The following GREP1 variants were observed in gnomAD, a reference collection of about 807,000 sequenced individuals.
GREP1 encodes glycine-rich extracellular protein 1.
At chr16:2,993,561 G>A (rs576606989) in intron 10 of GREP1, 1 of 152,098 alleles carries the variant, frequency 6.6e-6, no homozygotes, top group Non-Finnish European at 1.5e-5. Context: ...CAGCTACTCT[G>A]GAGGCTGAGA....
rs2151099208 is a variant in GREP1 at position 2,994,976 on chromosome 16, A to C, written c.484+14A>C. 1 of 399,048 alleles carries C rather than the reference A, an allele frequency of 2.5e-6. No individual in the cohort carries two copies. The highest frequency in any genetic ancestry group is 3.6e-5 in the East Asian group (1 of 28,032). 24.7% of individuals were successfully genotyped at this position (399,048 alleles called of 1,614,324 possible). A position where few individuals can be genotyped will look rare whatever the true frequency, so the allele number is the denominator to read the frequency against. Reference sequence around the variant, plus strand: ...GAGCCCAGCCAGGTGAAGGGGGTACAGTCTGGGGTTCCAGGGTCTGCATCT... The same window carrying C: ...GAGCCCAGCCAGGTGAAGGGGGTACCGTCTGGGGTTCCAGGGTCTGCATCT... On this transcript the variant is annotated intron_variant, in intron 13 of 34. Coordinates refer to ENST00000573315, the Ensembl canonical transcript of GREP1.
Position 2,992,604 on chromosome 16 carries a change from T to G in GREP1, c.323-201T>G. ...TGGCCATGGAGGACACCCAAGCTGG[T>G]CAAGGGTGGCCACGGTCTGGACTCC... On this transcript the variant is annotated intron_variant, in intron 8 of 34. Transcript: ENST00000573315. This position sits in a 1 kb window ranked among gnomAD's most constrained non-coding sequence, Gnocchi z 4.9. 1 of 386,976 alleles carries G rather than the reference T, an allele frequency of 2.6e-6. No homozygotes were observed. Among genetic ancestry groups the G allele is most frequent in the Non-Finnish European group, 4.6e-6 (1 of 219,134 alleles). The allele number at this position is 386,976 out of a possible 1,614,324, so 24.0% of individuals were successfully genotyped here. A position where few individuals can be genotyped will look rare whatever the true frequency, so the allele number is the denominator to read the frequency against.
exon 33 of GREP1, chr16:3,000,715 G>A (rs2072456751): frequency 2.5e-6 from 1 of 399,018 alleles, no homozygotes; most frequent in Non-Finnish European, 4.4e-6. Flanking sequence ...TCCCCACAGG[G>A]CAGGCCGGGG....
chr16:2,995,156 C>T, intron 13 of GREP1, 128 bp from the exon 15 acceptor site: 2 of 395,470 alleles, frequency 5.1e-6, no homozygotes, highest in Non-Finnish European at 8.9e-6. Context: ...ACAAGCCCCC[C>T]ACCTCAGAAT....
intron 13 of GREP1, 121 bp from the exon 15 acceptor site, chr16:2,995,163 G>T: frequency 2.6e-6 from 1 of 383,844 alleles, no homozygotes; most frequent in Non-Finnish European, 4.5e-6. Flanking sequence ...CCCCACCTCA[G>T]AATGGCCCTG....
chr16:3,000,492 G>A, intron 31 of GREP1: 1 of 399,288 alleles, frequency 2.5e-6, no homozygotes, highest in Non-Finnish European at 4.4e-6. Flanking sequence ...GGGACAAAGT[G>A]CAGTGGAGTG....
Position 2,992,796 on chromosome 16 carries a change from C to G in GREP1, c.323-9C>G. The G allele has an allele frequency of 2.5e-6, 1 of 399,168 alleles. No individual in the cohort carries two copies. The highest frequency in any genetic ancestry group is 2.1e-5 in the African/African-American group (1 of 48,764). The allele number at this position is 399,168 out of a possible 1,614,324, so 24.7% of individuals were successfully genotyped here. A position where few individuals can be genotyped will look rare whatever the true frequency, so the allele number is the denominator to read the frequency against. ...CACCTTCCACACTCCTGTGTCTGCC[C>G]TCAAACAGGTCCTGCCGCTCAAAAT... On this transcript the variant is annotated splice_polypyrimidine_tract_variant and intron_variant, in intron 8 of 34. Transcript: ENST00000573315. The surrounding 1 kb of genome is among the most constrained non-coding windows in gnomAD (Gnocchi z 4.9).
Position 3,000,891 on chromosome 16 carries a change from G to T in GREP1, c.1531+64G>T, listed in dbSNP as rs74005568. Reference sequence around the variant, plus strand: ...AGGTGGCTTCAGGGAACTGGGCCCTGGGCCCAGGTCTACCCACAGCCCCAC... The same window carrying T: ...AGGTGGCTTCAGGGAACTGGGCCCTTGGCCCAGGTCTACCCACAGCCCCAC... On this transcript the variant is annotated intron_variant, in intron 33 of 34. Transcript: ENST00000573315. 1,681 of 398,480 alleles carry T rather than the reference G, an allele frequency of 4.2e-3. 18 individuals carry two copies. The highest frequency in any genetic ancestry group is 0.032 in the African/African-American group (1,558 of 48,728). The allele number at this position is 398,480 out of a possible 1,614,324, so 24.7% of individuals were successfully genotyped here. A position where few individuals can be genotyped will look rare whatever the true frequency, so the allele number is the denominator to read the frequency against.
intron 15 of GREP1, 37 bp from the exon 16 acceptor site, chr16:2,995,582 A>T: frequency 2.5e-6 from 1 of 398,524 alleles, no homozygotes; most frequent in Non-Finnish European, 4.4e-6. Context: ...ACCTCAACCA[A>T]ACCCCAAATC....
chr16:2,991,184 T>A lies in GREP1; in HGVS notation c.322+83T>A, dbSNP rs528885107. 7.5e-6 allele frequency: 3 copies of A among 398,844 alleles called. No individual in the cohort carries two copies. In the East Asian group the frequency reaches 1.1e-4, roughly 14 times the overall value. The allele number at this position is 398,844 out of a possible 1,614,324, so 24.7% of individuals were successfully genotyped here. A position where few individuals can be genotyped will look rare whatever the true frequency, so the allele number is the denominator to read the frequency against. On this transcript the variant is annotated intron_variant, in intron 8 of 34. Transcript: ENST00000573315. The surrounding 1 kb of genome is among the most constrained non-coding windows in gnomAD (Gnocchi z 4.9). Reference sequence around the variant, plus strand: ...AGAGCAGAGTCAGGGCACCAGGAGCTGGGAGAGCTGGGCTCTGGAGGGAGG... The same window carrying A: ...AGAGCAGAGTCAGGGCACCAGGAGCAGGGAGAGCTGGGCTCTGGAGGGAGG...
chr16:2,990,248 A>AG (rs1378102161), intron 5 of GREP1, 126 bp downstream of exon 5: 4 of 397,728 alleles, frequency 1.0e-5, no homozygotes, highest in East Asian at 3.6e-5. Flanking sequence ...GCTTAGTCCA[A>AG]GGGGGGGTTC....
At chr16:2,990,451 C>G (rs1166803485) in intron 5 of GREP1, 101 bp from the exon 6 acceptor site, 1 of 399,140 alleles carries the variant, frequency 2.5e-6, no homozygotes, top group Non-Finnish European at 4.4e-6. Flanking sequence ...CCTCTCTTTC[C>G]CAGACACTGA....
In GREP1 at chr16:2,995,268, C is replaced by G; in HGVS notation, c.485-16C>G. On this transcript the variant is annotated splice_polypyrimidine_tract_variant and intron_variant, in intron 13 of 34. Transcript: ENST00000573315. ...GGGGCTCCTAGGTACCTCATCTGCTCCCCATTTTCCCAAAGGCTTTAGAGG... is the reference window on the plus strand; with the variant it reads ...GGGGCTCCTAGGTACCTCATCTGCTGCCCATTTTCCCAAAGGCTTTAGAGG... 1 of 399,004 alleles carries G rather than the reference C, an allele frequency of 2.5e-6. No homozygotes were observed. The highest frequency in any genetic ancestry group is 4.4e-6 in the Non-Finnish European group (1 of 226,108). The allele number at this position is 399,004 out of a possible 1,614,324, so 24.7% of individuals were successfully genotyped here. A position where few individuals can be genotyped will look rare whatever the true frequency, so the allele number is the denominator to read the frequency against.
At chr16:2,988,920 G>A (rs1259153487) in intron 2 of GREP1, 15 of 363,832 alleles carry the variant, frequency 4.1e-5, no homozygotes, top group Admixed American at 1.4e-4. Context: ...AAAGGGGGCC[G>A]GAGGGGGAGA....
chr16:2,994,920 C>T lies in GREP1; in HGVS notation c.449-7C>T, dbSNP rs1282297842. ...CATTCATACCCCGCCTTGATCTATT[C>T]CCCCAGGATTCCAGTACAGAATTGG... On this transcript the variant is annotated splice_polypyrimidine_tract_variant and splice_region_variant and intron_variant, in intron 12 of 34. Coordinates refer to ENST00000573315, the Ensembl canonical transcript of GREP1. 1 of 399,118 alleles carries T rather than the reference C, an allele frequency of 2.5e-6. No homozygotes were observed. Among genetic ancestry groups the T allele is most frequent in the Non-Finnish European group, 4.4e-6 (1 of 226,210 alleles). 24.7% of individuals were successfully genotyped at this position (399,118 alleles called of 1,614,324 possible).
intron 25 of GREP1, 46 bp downstream of exon 23, chr16:2,998,569 G>C: frequency 2.5e-6 from 1 of 399,108 alleles, no homozygotes; most frequent in Non-Finnish European, 4.4e-6. Context: ...GGAAGGGAGA[G>C]GGAGGCTGCT....
At chr16:2,997,811 G>A (rs889801730) in exon 23 of GREP1, 7 of 398,540 alleles carry the variant, frequency 1.8e-5, no homozygotes, top group Middle Eastern at 6.3e-4. Context: ...AGGTGCTGGA[G>A]AGGGCATGAA....
At chr16:2,993,282 CT>C (rs1014339708) in intron 10 of GREP1, 1 of 223,308 alleles carries the variant, frequency 4.5e-6, no homozygotes, top group Non-Finnish European at 8.7e-6. Flanking sequence ...GGACTAAAGG[CT>C]CAGAGAGCAG....
Position 2,996,156 on chromosome 16 carries a change from C to G in GREP1, c.676+246C>G, listed in dbSNP as rs145029027. ...CCATGTTGCTCAGGCTGGTCTCGAA[C>G]TCCTGACCTCAGATGATCCACCTGC... On this transcript the variant is annotated intron_variant, in intron 18 of 34. Transcript: ENST00000573315. 2.3e-3 allele frequency among the ~76,000 whole-genome samples: 350 copies of G among 152,336 alleles called. 2 individuals carry two copies. Among genetic ancestry groups the G allele is most frequent in the African/African-American group, 7.6e-3 (316 of 41,584 alleles).
Sources: gnomAD v4.1 joint callset for allele counts (sites outside exome capture counted in the v4.1 genomes callset) on GRCh38, gnomAD v4.1.1 for gene constraint, Gnocchi (gnomAD v3.1) non-coding constraint, MANE v1.5 for transcripts, NCBI Gene and HGNC (gene_info 2026-07-23, HGNC 2026-07-21) for gene names.